The following CFAP54 variants were observed in gnomAD, a reference collection of about 807,000 sequenced individuals.
The protein encoded by CFAP54 is cilia- and flagella-associated protein 54.
In CFAP54, 290 loss-of-function variants were observed where a neutral mutation model predicts 370.4. The observed-to-expected ratio is 0.78, with a 90% confidence interval of 0.71 to 0.86. CFAP54 has a LOEUF of 0.86. Among genes scored for constraint, CFAP54 ranks in the 40% least tolerant of loss-of-function variants. The pLI, the probability that CFAP54 is intolerant of heterozygous loss-of-function variation, is 0.00. For missense variants in CFAP54, 3,399 were observed against 3,528.7 expected, an observed-to-expected ratio of 0.96 and a Z score of 0.93; for synonymous variants, 1,206 against 1,236.5, an observed-to-expected ratio of 0.98 and a Z score of 0.52.
intron 12 of CFAP54, among the ~76,000 whole-genome samples, chr12:96,537,037 C>T (rs959771687): frequency 7.9e-5 from 12 of 152,144 alleles, no homozygotes; most frequent in African/African-American, 2.4e-4. Context: ...TGATATCTGT[C>T]GTATTCCCAA....
Position 96,544,410 on chromosome 12 carries a change from A to ATC in CFAP54, c.2077+3455_2077+3456dup, listed in dbSNP as rs71068815. Among the ~76,000 whole-genome samples, 707 of 148,092 alleles carry ATC rather than the reference A, an allele frequency of 4.8e-3. 3 individuals carry two copies. Among genetic ancestry groups the ATC allele is most frequent in the South Asian group, 0.01 (47 of 4,638 alleles). The stretch of plus-strand genomic sequence containing the variant: ...CGAAGCAGTCCTCAGAAAACAGAAT[A>ATC]TCTCTCTCTCTCTCTCTCTCTCTCT... On this transcript the variant is annotated intron_variant, in intron 14 of 67. Coordinates refer to ENST00000524981, the MANE Select transcript of CFAP54 (RefSeq NM_001306084.2).
chr12:96,790,870 A>AT (rs1186366537), intron 62 of CFAP54, among the ~76,000 whole-genome samples: 7 of 152,092 alleles, frequency 4.6e-5, no homozygotes, highest in African/African-American at 1.2e-4. Flanking sequence ...CAGTCAAAAC[A>AT]TTTTTTCTTT....
chr12:96,829,298 T>C (rs1959161877), intron 66 of CFAP54, among the ~76,000 whole-genome samples: 1 of 152,098 alleles, frequency 6.6e-6, no homozygotes, highest in African/African-American at 2.4e-5. Flanking sequence ...CAAAGAACTA[T>C]AAAGAGGGTA....
At chr12:96,732,968 A>G (rs886531742) in intron 50 of CFAP54, among the ~76,000 whole-genome samples, 1 of 152,188 alleles carries the variant, frequency 6.6e-6, no homozygotes, top group African/African-American at 2.4e-5. Flanking sequence ...CCCTTTTGGT[A>G]TGAAGGATAT....
intron 32 of CFAP54, among the ~76,000 whole-genome samples, chr12:96,642,663 G>C (rs775425543): frequency 2.0e-5 from 3 of 152,060 alleles, no homozygotes; most frequent in Non-Finnish European, 4.4e-5. Flanking sequence ...ATTTCCTTAA[G>C]CCAGAATATA....
chr12:96,589,901 C>T (rs555703758), intron 23 of CFAP54, among the ~76,000 whole-genome samples: 1 of 152,246 alleles, frequency 6.6e-6, no homozygotes, highest in African/African-American at 2.4e-5. Flanking sequence ...TGTGCACCAC[C>T]ACGCCCTGCT....
At chr12:96,492,121 C>T (rs1051855697) in intron 1 of CFAP54, among the ~76,000 whole-genome samples, 1 of 152,170 alleles carries the variant, frequency 6.6e-6, no homozygotes, top group Non-Finnish European at 1.5e-5. Context: ...CCACTACCAG[C>T]GTTCCAGTCC....
chr12:96,618,638 G>A (rs1416739892), intron 26 of CFAP54, among the ~76,000 whole-genome samples: 3 of 152,118 alleles, frequency 2.0e-5, no homozygotes, highest in African/African-American at 7.2e-5. Context: ...CACTGAAGAA[G>A]ATGGGAGAGA....
chr12:96,527,994 C>G (rs1391414645), intron 9 of CFAP54, among the ~76,000 whole-genome samples: 4 of 152,138 alleles, frequency 2.6e-5, no homozygotes, highest in Admixed American at 6.5e-5. Context: ...TGACTTATTT[C>G]TGTCCAATCC....
At chr12:96,778,801 A>G (rs972989811) in intron 60 of CFAP54, among the ~76,000 whole-genome samples, 3 of 152,142 alleles carry the variant, frequency 2.0e-5, no homozygotes, top group African/African-American at 7.2e-5. Flanking sequence ...ATTATAAAAT[A>G]TATACAGAAA....
intron 66 of CFAP54, among the ~76,000 whole-genome samples, chr12:96,834,164 A>G (rs1257235395): frequency 6.6e-6 from 1 of 152,202 alleles, no homozygotes; most frequent in Non-Finnish European, 1.5e-5. Flanking sequence ...GAAGGTTGAA[A>G]GTGTAGATTA....
At chr12:96,586,809 G>A (rs1055424057) in intron 22 of CFAP54, among the ~76,000 whole-genome samples, 1 of 152,142 alleles carries the variant, frequency 6.6e-6, no homozygotes, top group East Asian at 1.9e-4. Context: ...GTGGTATGAT[G>A]TAACGTGACT....
intron 28 of CFAP54, among the ~76,000 whole-genome samples, chr12:96,625,238 A>G (rs1354720625): frequency 6.6e-6 from 1 of 152,252 alleles, no homozygotes; most frequent in Admixed American, 6.5e-5. Context: ...TTATAAAGAT[A>G]TGGAAACTGA....
chr12:96,731,112 G>C (rs1592731074), intron 50 of CFAP54, among the ~76,000 whole-genome samples: 1 of 152,152 alleles, frequency 6.6e-6, no homozygotes, highest in African/African-American at 2.4e-5. Context: ...AAGCAACAAT[G>C]ATAAGACTTC....
intron 4 of CFAP54, among the ~76,000 whole-genome samples, chr12:96,510,796 C>T (rs917264644): frequency 1.3e-5 from 2 of 151,926 alleles, no homozygotes; most frequent in African/African-American, 4.8e-5. Flanking sequence ...ACCCCTGTCT[C>T]TACTAAAAAT....
At chr12:96,634,039 C>T (rs1052701512) in intron 32 of CFAP54, among the ~76,000 whole-genome samples, 1 of 114,068 alleles carries the variant, frequency 8.8e-6, no homozygotes, top group African/African-American at 2.8e-5. Context: ...CTAATGATAG[C>T]GAACATCTTT....
At chr12:96,625,666 G>A in intron 28 of CFAP54, 52 bp from the exon 29 acceptor site, 2 of 1,141,070 alleles carry the variant, frequency 1.8e-6, no homozygotes, top group East Asian at 2.7e-5. Context: ...CAAAAAATTT[G>A]TATTTTGCGT....
At chr12:96,751,784 T>A (rs1173400287) in intron 55 of CFAP54, among the ~76,000 whole-genome samples, 2 of 152,138 alleles carry the variant, frequency 1.3e-5, no homozygotes, top group Non-Finnish European at 2.9e-5. Flanking sequence ...TCCCTTGTTT[T>A]CATTTCCTCT....
At position 96,647,744 on chromosome 12, in the gene CFAP54, G is replaced by T. The variant is rs1956812492; in HGVS notation, c.4548-131G>T. The T allele has an allele frequency of 1.2e-5, 9 of 775,444 alleles. No homozygotes were observed. In the East Asian group the frequency reaches 2.9e-4, roughly 25 times the overall value. 48.0% of individuals were successfully genotyped at this position (775,444 alleles called of 1,614,324 possible). On this transcript the variant is annotated intron_variant, in intron 33 of 67. Coordinates refer to ENST00000524981, the MANE Select transcript of CFAP54 (RefSeq NM_001306084.2). ...AAAAAATGTTGGGCTTTGATTAAGT[G>T]ACAAAACCCTTCATGATTTAAAATT...
Sources: gnomAD v4.1 joint callset for allele counts (sites outside exome capture counted in the v4.1 genomes callset) on GRCh38, gnomAD v4.1.1 for gene constraint, MANE v1.5 for transcripts, NCBI Gene and HGNC (gene_info 2026-07-23, HGNC 2026-07-21) for gene names.